ASPH: variants seen among roughly 807,000 people sequenced by gnomAD.
The protein encoded by ASPH is aspartyl/asparaginyl beta-hydroxylase.
A neutral mutation model predicts 118.4 loss-of-function variants in ASPH; 100 were observed. The ratio of observed to expected loss-of-function variants is 0.84; its 90% CI spans 0.72 to 1.00. The LOEUF (loss-of-function observed/expected upper bound fraction) is 1.00, where lower values mean the gene tolerates loss of function less well. Among genes scored for constraint, ASPH ranks in the 50% least tolerant of loss-of-function variants. The pLI is 0.00. For synonymous variants in ASPH, 315 were observed against 325.6 expected, an observed-to-expected ratio of 0.97 and a Z score of 0.35; for missense variants, 920 against 919.5, an observed-to-expected ratio of 1.00 and a Z score of -0.01.
chr8:61,684,966 A>G (rs546669500), intron 1 of ASPH, among the ~76,000 whole-genome samples: 2 of 152,338 alleles, frequency 1.3e-5, no homozygotes, highest in East Asian at 3.9e-4. Context: ...ATATATCAAT[A>G]TTAATAAATA....
chr8:61,629,649 G>A (rs1406518785), intron 13 of ASPH, among the ~76,000 whole-genome samples: 1 of 152,150 alleles, frequency 6.6e-6, no homozygotes, highest in Non-Finnish European at 1.5e-5. Context: ...GCAAACTACT[G>A]GACAACTTAC....
intron 21 of ASPH, 31 bp from the exon 22 acceptor site, chr8:61,526,143 G>A: frequency 6.2e-7 from 1 of 1,611,298 alleles, no homozygotes; most frequent in South Asian, 1.1e-5. Context: ...TTACTGGACT[G>A]AAAAAGGGCC....
intron 21 of ASPH, among the ~76,000 whole-genome samples, chr8:61,543,250 T>C (rs761635721): frequency 1.4e-4 from 21 of 152,162 alleles, no homozygotes; most frequent in Non-Finnish European, 2.4e-4. Flanking sequence ...GAGGATTCCA[T>C]TATGCATATG....
chr8:61,697,186 T>G (rs1834107411), intron 1 of ASPH, among the ~76,000 whole-genome samples: 1 of 152,214 alleles, frequency 6.6e-6, no homozygotes, highest in Non-Finnish European at 1.5e-5. Flanking sequence ...TACAGTTGAG[T>G]TAGTAGAAAA....
chr8:61,599,572 A>G (rs1416849975), intron 14 of ASPH, among the ~76,000 whole-genome samples: 1 of 152,156 alleles, frequency 6.6e-6, no homozygotes, highest in Non-Finnish European at 1.5e-5. Context: ...AAATAAAATC[A>G]GAAATAAAAA....
intron 22 of ASPH, among the ~76,000 whole-genome samples, chr8:61,521,017 C>A (rs978853897): frequency 6.6e-6 from 1 of 152,186 alleles, no homozygotes; most frequent in African/African-American, 2.4e-5. Flanking sequence ...TGTCACTGGT[C>A]ATTTTAACTC....
chr8:61,686,298 C>G (rs1589192255), intron 1 of ASPH, among the ~76,000 whole-genome samples: 1 of 152,190 alleles, frequency 6.6e-6, no homozygotes, highest in Non-Finnish European at 1.5e-5. Flanking sequence ...GGTATCATTA[C>G]CTGAAACACA....
intron 5 of ASPH, among the ~76,000 whole-genome samples, chr8:61,649,981 C>T (rs1195740560): frequency 6.6e-6 from 1 of 152,166 alleles, no homozygotes; most frequent in South Asian, 2.1e-4. Flanking sequence ...ATGCCTTCTG[C>T]TTAAAACACT....
rs201837164 is a variant in ASPH at position 61,577,902 on chromosome 8, CT to C, written c.1063-1045del. Among the ~76,000 whole-genome samples, 1,084 of 152,290 alleles carry C rather than the reference CT, an allele frequency of 7.1e-3. 7 individuals carry two copies. The highest frequency in any genetic ancestry group is 0.014 in the Admixed American group (210 of 15,304). ...ACAGTGAAACCATATCATTCCACCC[CT>C]GATCCCTCCCAATTCTCATGTCCTC... On this transcript the variant is annotated intron_variant, in intron 15 of 24. Transcript: ENST00000379454.
intron 14 of ASPH, among the ~76,000 whole-genome samples, chr8:61,603,737 G>A (rs563454957): frequency 6.6e-6 from 1 of 152,264 alleles, no homozygotes; most frequent in East Asian, 1.9e-4. Flanking sequence ...ATTAGAAAGT[G>A]GTAGGGGGGA....
chr8:61,526,090 A>G lies in ASPH; in HGVS notation c.1787T>C (p.Leu596Ser). 1 of 1,614,010 alleles carries G rather than the reference A, an allele frequency of 6.2e-7. No homozygotes were observed. The highest frequency in any genetic ancestry group is 8.5e-7 in the Non-Finnish European group (1 of 1,179,902). The change falls in exon 22 of 25, where the codon TTA becomes TCA. Residue 596 changes from leucine (L) to serine (S), a missense_variant. Physicochemically the swap from Leu to Ser is moderately radical, Grantham distance 145. Transcript: ENST00000379454. ...LVKSLERNWK[L>S]IRDEGLAVMD... is the part of the protein sequence containing the mutation. ...CACTGCAAGGCCTTCATCTCGGATT[A>G]ACTTCCAGTTTCTTTCTAAAGACTA...
chr8:61,619,113 T>A, intron 13 of ASPH, 94 bp from the exon 14 acceptor site: 2 of 803,376 alleles, frequency 2.5e-6, no homozygotes. Flanking sequence ...TCAATAAGTA[T>A]AATCAAAGAA....
intron 24 of ASPH, among the ~76,000 whole-genome samples, chr8:61,510,177 T>G (rs1477488765): frequency 6.6e-6 from 1 of 152,210 alleles, no homozygotes; most frequent in African/African-American, 2.4e-5. Flanking sequence ...TATGGATTAC[T>G]TTAATACTCA....
intron 14 of ASPH, 100 bp downstream of exon 14, chr8:61,618,878 A>T: frequency 9.7e-7 from 1 of 1,035,326 alleles, no homozygotes; most frequent in Non-Finnish European, 1.4e-6. Flanking sequence ...AAATTCTTTT[A>T]ATTAGTGACA....
chr8:61,511,718 T>G (rs113226836), intron 24 of ASPH, among the ~76,000 whole-genome samples: 1 of 152,198 alleles, frequency 6.6e-6, no homozygotes, highest in Non-Finnish European at 1.5e-5. Flanking sequence ...ATTCTCCTGC[T>G]TCAGCCTCCC....
intron 1 of ASPH, among the ~76,000 whole-genome samples, chr8:61,692,486 T>C (rs1219136286): frequency 6.6e-6 from 1 of 152,136 alleles, no homozygotes; most frequent in African/African-American, 2.4e-5. Context: ...AAGACCAAAC[T>C]TCCAACGTGT....
At chr8:61,586,550 T>C (rs1343485876) in intron 14 of ASPH, among the ~76,000 whole-genome samples, 1 of 152,144 alleles carries the variant, frequency 6.6e-6, no homozygotes, top group Non-Finnish European at 1.5e-5. Flanking sequence ...CTACTGTCTT[T>C]TTAGCACTCA....
At chr8:61,690,766 T>C (rs1025351209) in intron 1 of ASPH, among the ~76,000 whole-genome samples, 1 of 152,184 alleles carries the variant, frequency 6.6e-6, no homozygotes, top group African/African-American at 2.4e-5. Flanking sequence ...ACTAGTAATT[T>C]CCAGTGGCTT....
chr8:61,667,348 G>A (rs142394507), intron 3 of ASPH, among the ~76,000 whole-genome samples: 52 of 152,226 alleles, frequency 3.4e-4, no homozygotes, highest in African/African-American at 1.1e-3. Context: ...ACAAATGGCT[G>A]ACAGGTATAA....
Sources: allele counts gnomAD v4.1 joint callset (sites outside exome capture counted in the v4.1 genomes callset), GRCh38; gene constraint gnomAD v4.1.1; transcripts MANE v1.5; gene names NCBI Gene and HGNC (gene_info 2026-07-23, HGNC 2026-07-21).